SH3GL2: variants seen among roughly 807,000 people sequenced by gnomAD.
The protein encoded by SH3GL2 is endophilin-A1.
In SH3GL2, 24 loss-of-function variants were observed where a neutral mutation model predicts 46.0. That is an observed-to-expected ratio of 0.52 (90% CI 0.38 to 0.73). The LOEUF is 0.73. SH3GL2 is among the 30% of genes least tolerant of loss of function. The pLI is 0.00. For synonymous variants in SH3GL2, 196 were observed against 147.1 expected, an observed-to-expected ratio of 1.33 and a Z score of -2.40; for missense variants, 413 against 424.2, an observed-to-expected ratio of 0.97 and a Z score of 0.23.
At chr9:17,619,576 G>A (rs182626486) in intron 1 of SH3GL2, among the ~76,000 whole-genome samples, 1 of 152,104 alleles carries the variant, frequency 6.6e-6, no homozygotes, top group Non-Finnish European at 1.5e-5. Context: ...TACTCGGGAG[G>A]CTGAGGCAGG....
intron 1 of SH3GL2, among the ~76,000 whole-genome samples, chr9:17,700,575 T>C (rs146046251): frequency 6.6e-6 from 1 of 152,312 alleles, no homozygotes; most frequent in Non-Finnish European, 1.5e-5. Flanking sequence ...TATCTTTTGT[T>C]CTTTAGCCAG....
At chr9:17,720,364 C>G (rs1341069668) in intron 1 of SH3GL2, among the ~76,000 whole-genome samples, 1 of 152,100 alleles carries the variant, frequency 6.6e-6, no homozygotes, top group Non-Finnish European at 1.5e-5. Context: ...ATTCGCAAAT[C>G]AGGCAGCCCC....
chr9:17,659,235 C>T (rs986873599), intron 1 of SH3GL2, among the ~76,000 whole-genome samples: 2 of 152,178 alleles, frequency 1.3e-5, no homozygotes, highest in Non-Finnish European at 2.9e-5. Flanking sequence ...GTCCATTTGG[C>T]TCTCTTCCCC....
intron 1 of SH3GL2, among the ~76,000 whole-genome samples, chr9:17,610,577 C>G (rs1339224591): frequency 6.6e-6 from 1 of 152,116 alleles, no homozygotes; most frequent in Non-Finnish European, 1.5e-5. Context: ...TGGAGAAACC[C>G]TCAACTGTTA....
At chr9:17,597,871 G>A (rs1013302419) in intron 1 of SH3GL2, among the ~76,000 whole-genome samples, 32 of 152,070 alleles carry the variant, frequency 2.1e-4, no homozygotes, top group African/African-American at 7.5e-4. Flanking sequence ...TTATGCTCTG[G>A]TCCTCCATCT....
chr9:17,674,018 T>A (rs148067338), intron 1 of SH3GL2, among the ~76,000 whole-genome samples: 1 of 152,234 alleles, frequency 6.6e-6, no homozygotes, highest in Non-Finnish European at 1.5e-5. Context: ...TTTGTTTCCC[T>A]CTTTCCTTGT....
chr9:17,649,241 A>C (rs1819896582), intron 1 of SH3GL2, among the ~76,000 whole-genome samples: 1 of 152,096 alleles, frequency 6.6e-6, no homozygotes, highest in South Asian at 2.1e-4. Flanking sequence ...AATTTTTTGT[A>C]TTTTTAGTAG....
intron 1 of SH3GL2, among the ~76,000 whole-genome samples, chr9:17,692,460 A>G (rs1181331099): frequency 6.6e-6 from 1 of 152,082 alleles, no homozygotes; most frequent in Non-Finnish European, 1.5e-5. Context: ...AGCCTGGCCA[A>G]TATGGTAAAA....
At chr9:17,785,812 A>G (rs1172722857) in intron 3 of SH3GL2, among the ~76,000 whole-genome samples, 2 of 152,088 alleles carry the variant, frequency 1.3e-5, no homozygotes, top group Admixed American at 6.6e-5. Context: ...TGAACACAGT[A>G]TTTTTGCTCT....
At chr9:17,767,267 G>T (rs893764638) in intron 3 of SH3GL2, among the ~76,000 whole-genome samples, 1 of 152,138 alleles carries the variant, frequency 6.6e-6, no homozygotes, top group African/African-American at 2.4e-5. Context: ...TGTCTATTTA[G>T]AATTTTTTAA....
chr9:17,682,731 A>T (rs911352762), intron 1 of SH3GL2, among the ~76,000 whole-genome samples: 1 of 152,046 alleles, frequency 6.6e-6, no homozygotes, highest in African/African-American at 2.4e-5. Flanking sequence ...CACAAGATCT[A>T]TTCCTCCTTT....
intron 3 of SH3GL2, among the ~76,000 whole-genome samples, chr9:17,765,274 G>C (rs374760976): frequency 1.1e-4 from 11 of 104,162 alleles, no homozygotes; most frequent in South Asian, 3.3e-4. Context: ...CAGGCCAGGG[G>C]AATCAGTAGG....
At chr9:17,705,376 G>A (rs1247801245) in intron 1 of SH3GL2, among the ~76,000 whole-genome samples, 3 of 151,936 alleles carry the variant, frequency 2.0e-5, no homozygotes, top group African/African-American at 7.3e-5. Context: ...ACTCAACCCA[G>A]CAATCCCATA....
At chr9:17,633,285 T>G (rs1224522475) in intron 1 of SH3GL2, among the ~76,000 whole-genome samples, 4 of 152,082 alleles carry the variant, frequency 2.6e-5, no homozygotes, top group Non-Finnish European at 4.4e-5. Context: ...GGACTAGAAA[T>G]CAGTTGGTGT....
At chr9:17,744,555 C>G (rs1822625759) in intron 1 of SH3GL2, among the ~76,000 whole-genome samples, 1 of 151,958 alleles carries the variant, frequency 6.6e-6, no homozygotes, top group Admixed American at 6.6e-5. Flanking sequence ...TTTGTAGAGA[C>G]AGAGTCTTAC....
intron 1 of SH3GL2, among the ~76,000 whole-genome samples, chr9:17,699,981 T>C (rs1361394952): frequency 1.3e-5 from 2 of 152,148 alleles, no homozygotes; most frequent in Non-Finnish European, 1.5e-5. Flanking sequence ...CTGGAATAGA[T>C]GCACCAGTTT....
At position 17,787,416 on chromosome 9, in the gene SH3GL2, A is replaced by G; in HGVS notation, c.368A>G (p.Glu123Gly). ...ALGEVGEAMRELSEVKDSLDI... is the reference protein window; with the variant it reads ...ALGEVGEAMRGLSEVKDSLDI... ...GGTGAGGTCGGGGAGGCCATGCGGG[A>G]ACTGTCGGAGGTCAAAGACTCTTTG... The change falls in exon 5 of 9, where the codon GAA becomes GGA. Residue 123 changes from glutamate (E) to glycine (G), a missense_variant. Physicochemically the swap from Glu to Gly is moderately conservative, Grantham distance 98. This residue lies in a region of SH3GL2 where 160 missense variants were observed against 192.3 expected (regional missense o/e 0.83). Transcript: ENST00000380607. The G allele has an allele frequency of 1.2e-6, 2 of 1,612,968 alleles. No individual in the cohort carries two copies. The highest frequency in any genetic ancestry group is 1.7e-6 in the Non-Finnish European group (2 of 1,179,082).
chr9:17,651,770 C>G (rs112107685), intron 1 of SH3GL2, among the ~76,000 whole-genome samples: 3,585 of 152,134 alleles, frequency 0.024, 145 homozygotes, highest in African/African-American at 0.08. Context: ...TCCAATATTT[C>G]CTCATCTTTA....
intron 1 of SH3GL2, among the ~76,000 whole-genome samples, chr9:17,628,007 G>A (rs1467936283): frequency 6.6e-6 from 1 of 152,166 alleles, no homozygotes; most frequent in East Asian, 1.9e-4. Flanking sequence ...AGTTCACAGA[G>A]ATTTAAGAGC....
Sources: gnomAD v4.1 joint callset for allele counts (sites outside exome capture counted in the v4.1 genomes callset) on GRCh38, gnomAD v4.1.1 for gene constraint, gnomAD v4.1.1 regional missense constraint, MANE v1.5 for transcripts, NCBI Gene and HGNC (gene_info 2026-07-23, HGNC 2026-07-21) for gene names.